ADAMTS16: variants seen among roughly 807,000 people sequenced by gnomAD.
The protein encoded by ADAMTS16 is A disintegrin and metalloproteinase with thrombospondin motifs 16.
ADAMTS16 carries 94 observed loss-of-function variants against 145.8 expected under a neutral mutation model. That is an observed-to-expected ratio of 0.64 (90% confidence interval 0.55 to 0.77). The LOEUF (loss-of-function observed/expected upper bound fraction) is 0.77. Ranked by LOEUF, ADAMTS16 falls within the 30% of genes least tolerant of loss-of-function variation. The pLI, the probability that ADAMTS16 is intolerant of heterozygous loss-of-function variation, is 0.00. For synonymous variants in ADAMTS16, 659 were observed against 604.3 expected, an observed-to-expected ratio of 1.09 and a Z score of -1.33; for missense variants, 1,585 against 1,591.5, an observed-to-expected ratio of 1.00 and a Z score of 0.07.
chr5:5,242,145 C>T lies in ADAMTS16; in HGVS notation c.2616C>T (p.Tyr872=), dbSNP rs752947455. ...AGCAGCCCCCTGCCCAGCCCAGCTA[C>T]ACTTGGGCCATCGTGCGCTCTGAGT... ...TEKQPPAQPS[Y]TWAIVRSECS... is the part of the protein sequence containing the mutation. The change falls in exon 17 of 23, where the codon TAC becomes TAT. Residue 872 remains tyrosine, a synonymous_variant. Coordinates refer to ENST00000274181, the MANE Select transcript of ADAMTS16 (RefSeq NM_139056.4). 5.6e-6 allele frequency: 9 copies of T among 1,614,090 alleles called. No individual in the cohort carries two copies. Among genetic ancestry groups the T allele is most frequent in the South Asian group, 1.1e-5 (1 of 91,090 alleles).
At chr5:5,207,439 G>T (rs1736158452) in intron 9 of ADAMTS16, among the ~76,000 whole-genome samples, 2 of 152,012 alleles carry the variant, frequency 1.3e-5, no homozygotes, top group South Asian at 4.2e-4. Flanking sequence ...TTGCTTGGTG[G>T]ATTCTTTCAA....
rs1465215024 is a variant in ADAMTS16 at position 5,269,602 on chromosome 5, C to T, written c.2789+6819C>T. On this transcript the variant is annotated intron_variant, in intron 18 of 22. Transcript: ENST00000274181. The surrounding 1 kb of genome is among the most constrained non-coding windows in gnomAD (Gnocchi z 4.3). ...GTGCCTCCAACCCCGCTGCTCTGCC[C>T]TCCCTCCCATCACAAAGGGCAGATG... 2.0e-5 allele frequency among the ~76,000 whole-genome samples: 3 copies of T among 152,154 alleles called. No individual in the cohort carries two copies. Among genetic ancestry groups the T allele is most frequent in the African/African-American group, 7.2e-5 (3 of 41,424 alleles).
At chr5:5,218,454 G>T (rs952128652) in intron 10 of ADAMTS16, among the ~76,000 whole-genome samples, 1 of 152,122 alleles carries the variant, frequency 6.6e-6, no homozygotes, top group Non-Finnish European at 1.5e-5. Flanking sequence ...CCGGCCCCAC[G>T]GCAGCCTCTA....
chr5:5,280,805 T>C (rs1187764463), intron 18 of ADAMTS16, among the ~76,000 whole-genome samples: 1 of 152,190 alleles, frequency 6.6e-6, no homozygotes, highest in Non-Finnish European at 1.5e-5. Context: ...TAATTAAATA[T>C]ATTGAGAAGA....
intron 21 of ADAMTS16, among the ~76,000 whole-genome samples, chr5:5,308,631 G>A (rs1015667293): frequency 1.9e-4 from 29 of 152,124 alleles, no homozygotes; most frequent in Non-Finnish European, 2.6e-4. Context: ...TCCCATTGTG[G>A]GCCCCGAGCC....
At chr5:5,288,453 C>T (rs1243418479) in intron 18 of ADAMTS16, among the ~76,000 whole-genome samples, 1 of 152,134 alleles carries the variant, frequency 6.6e-6, no homozygotes, top group African/African-American at 2.4e-5. Context: ...TGCATAATGA[C>T]TAAGGGAAAC....
chr5:5,309,583 A>ACC (rs1740333266), intron 21 of ADAMTS16, among the ~76,000 whole-genome samples: 1 of 152,186 alleles, frequency 6.6e-6, no homozygotes, highest in African/African-American at 2.4e-5. Flanking sequence ...TGCAGCACAG[A>ACC]ACATCAAAGC....
intron 10 of ADAMTS16, among the ~76,000 whole-genome samples, chr5:5,221,397 C>G (rs1323967837): frequency 1.3e-5 from 2 of 152,138 alleles, no homozygotes; most frequent in Non-Finnish European, 2.9e-5. Flanking sequence ...AGGAGCATCA[C>G]TGTTTGTTCC....
At chr5:5,263,373 G>A (rs1482520219) in intron 18 of ADAMTS16, among the ~76,000 whole-genome samples, 1 of 152,222 alleles carries the variant, frequency 6.6e-6, no homozygotes, top group African/African-American at 2.4e-5. Context: ...GCACTGTCAG[G>A]AGCCATCACG....
At chr5:5,144,805 C>T (rs1734250963) in intron 2 of ADAMTS16, among the ~76,000 whole-genome samples, 2 of 152,198 alleles carry the variant, frequency 1.3e-5, no homozygotes, top group African/African-American at 2.4e-5. Flanking sequence ...TTCTCCTTCC[C>T]TGCTATCCTC....
intron 17 of ADAMTS16, among the ~76,000 whole-genome samples, chr5:5,255,535 T>C (rs1309557688): frequency 1.3e-5 from 2 of 152,246 alleles, no homozygotes; most frequent in East Asian, 3.8e-4. Flanking sequence ...TGCTTGAAGA[T>C]GGCCACAGAC....
At chr5:5,168,385 T>TA (rs2126537478) in intron 3 of ADAMTS16, among the ~76,000 whole-genome samples, 1 of 143,948 alleles carries the variant, frequency 6.9e-6, no homozygotes, top group African/African-American at 2.5e-5. Context: ...TTATTATTAT[T>TA]TTACAATTCC....
chr5:5,187,477 G>A (rs1236027263), intron 5 of ADAMTS16, among the ~76,000 whole-genome samples: 1 of 152,150 alleles, frequency 6.6e-6, no homozygotes, highest in Non-Finnish European at 1.5e-5. Flanking sequence ...TATTCTAAGG[G>A]GAACCCTTAC....
Position 5,249,800 on chromosome 5 carries a change from G to A in ADAMTS16, c.2662+7609G>A, listed in dbSNP as rs373053047. Among the ~76,000 whole-genome samples, 157 of 152,266 alleles carry A rather than the reference G, an allele frequency of 1.0e-3. 2 individuals carry two copies. In the Middle Eastern group the frequency reaches 0.014, roughly 13 times the overall value. On this transcript the variant is annotated intron_variant, in intron 17 of 22. Coordinates refer to ENST00000274181, the MANE Select transcript of ADAMTS16 (RefSeq NM_139056.4). ...CTTGGTACCCGAGTTCTTGTCCAGC[G>A]TCCAGGAATAATCATGTCACAGGAA...
At chr5:5,185,987 G>A (rs1440512887) in intron 4 of ADAMTS16, 65 bp from the exon 5 acceptor site, 3 of 1,406,462 alleles carry the variant, frequency 2.1e-6, no homozygotes, top group Non-Finnish European at 3.0e-6. Context: ...TCTCTATGAC[G>A]AGTTACGGCC....
At chr5:5,150,056 G>A (rs1734407558) in intron 3 of ADAMTS16, among the ~76,000 whole-genome samples, 1 of 152,184 alleles carries the variant, frequency 6.6e-6, no homozygotes, top group Admixed American at 6.5e-5. Flanking sequence ...ACCTAGGAGT[G>A]TAATTTCTGG....
chr5:5,262,553 G>C, intron 17 of ADAMTS16, 104 bp from the exon 18 acceptor site: 1 of 1,483,596 alleles, frequency 6.7e-7, no homozygotes, highest in East Asian at 2.3e-5. Context: ...ACACATGCCA[G>C]TATGGCTAAG....
chr5:5,158,594 A>T (rs564413818), intron 3 of ADAMTS16, among the ~76,000 whole-genome samples: 6 of 152,204 alleles, frequency 3.9e-5, no homozygotes, highest in Non-Finnish European at 7.3e-5. Context: ...TGCTGTTCAC[A>T]TGTGGGTGAT....
intron 18 of ADAMTS16, among the ~76,000 whole-genome samples, chr5:5,264,926 GCCAAC>G (rs1738179967): frequency 6.6e-6 from 1 of 152,194 alleles, no homozygotes; most frequent in Non-Finnish European, 1.5e-5. Context: ...CTGTCCCTGA[GCCAAC>G]CCTGTGGGCC....
Sources: gnomAD v4.1 joint callset for allele counts (sites outside exome capture counted in the v4.1 genomes callset) on GRCh38, gnomAD v4.1.1 for gene constraint, Gnocchi (gnomAD v3.1) non-coding constraint, MANE v1.5 for transcripts, NCBI Gene and HGNC (gene_info 2026-07-23, HGNC 2026-07-21) for gene names.